Variants in RASGRF2 observed in about 807,000 individuals in gnomAD.
RASGRF2 encodes the protein ras-specific guanine nucleotide-releasing factor 2.
RASGRF2 carries 76 observed loss-of-function variants against 151.0 expected under a neutral mutation model. The ratio of observed to expected loss-of-function variants is 0.50; its 90% CI spans 0.42 to 0.61. The LOEUF (loss-of-function observed/expected upper bound fraction) is 0.61, where lower values mean the gene tolerates loss of function less well. Among genes scored for constraint, RASGRF2 ranks in the 20% least tolerant of loss-of-function variants. The pLI is 0.00. For missense variants in RASGRF2, 1,148 were observed against 1,564.6 expected (o/e 0.73, Z 4.49); for synonymous variants, 504 against 566.5 (o/e 0.89, Z 1.57).
At chr5:81,195,811 T>G (rs2112703331) in intron 18 of RASGRF2, among the ~76,000 whole-genome samples, 1 of 152,270 alleles carries the variant, frequency 6.6e-6, no homozygotes, top group South Asian at 2.1e-4. Context: ...TCAGAAGGAC[T>G]GGTGTTCTTG....
At chr5:81,136,136 C>G (rs1309176794) in intron 17 of RASGRF2, among the ~76,000 whole-genome samples, 1 of 152,190 alleles carries the variant, frequency 6.6e-6, no homozygotes, top group Non-Finnish European at 1.5e-5. Flanking sequence ...GCCTCAGCCT[C>G]CCGACTATTA....
intron 17 of RASGRF2, among the ~76,000 whole-genome samples, chr5:81,130,348 A>G (rs6896459): frequency 6.6e-6 from 1 of 152,220 alleles, no homozygotes; most frequent in Non-Finnish European, 1.5e-5. Context: ...ATTTGATTCA[A>G]CAGTGCCCAT....
intron 1 of RASGRF2, among the ~76,000 whole-genome samples, chr5:81,012,141 C>A (rs756528874): frequency 6.6e-6 from 1 of 152,164 alleles, no homozygotes; most frequent in Non-Finnish European, 1.5e-5. Flanking sequence ...GAACTTGTTA[C>A]GTCCTTAATC....
chr5:81,181,005 C>T (rs1754904582), intron 18 of RASGRF2, among the ~76,000 whole-genome samples: 1 of 152,198 alleles, frequency 6.6e-6, no homozygotes, highest in African/African-American at 2.4e-5. Context: ...TGGACACCCA[C>T]CTGCCTGGCA....
At chr5:81,087,029 C>T in intron 9 of RASGRF2, 76 bp downstream of exon 9, 1 of 1,358,244 alleles carries the variant, frequency 7.4e-7, no homozygotes, top group Non-Finnish European at 1.0e-6. Flanking sequence ...CCCCGGAAGG[C>T]GTTCTGAACA....
At chr5:81,143,716 C>G (rs1305825744) in intron 17 of RASGRF2, among the ~76,000 whole-genome samples, 3 of 151,682 alleles carry the variant, frequency 2.0e-5, no homozygotes, top group African/African-American at 7.3e-5. Flanking sequence ...ATGGTGAAAT[C>G]CCATCTCTAC....
chr5:81,046,974 G>A (rs925480521), intron 2 of RASGRF2, among the ~76,000 whole-genome samples: 8 of 152,134 alleles, frequency 5.3e-5, no homozygotes, highest in African/African-American at 1.7e-4. Flanking sequence ...GGGAAGAAAC[G>A]AGGAAGGTTC....
chr5:81,063,792 C>CT (rs537422826), intron 2 of RASGRF2, among the ~76,000 whole-genome samples: 3 of 151,986 alleles, frequency 2.0e-5, no homozygotes, highest in East Asian at 1.9e-4. Context: ...TAGTAATTAT[C>CT]TTTTTTTTCC....
chr5:81,114,138 A>G (rs1753085460), intron 15 of RASGRF2, among the ~76,000 whole-genome samples: 1 of 152,196 alleles, frequency 6.6e-6, no homozygotes, highest in African/African-American at 2.4e-5. Flanking sequence ...ATGCCCCTGT[A>G]GTAAAAGGCT....
At chr5:81,146,686 A>T (rs953998843) in intron 17 of RASGRF2, among the ~76,000 whole-genome samples, 8 of 152,118 alleles carry the variant, frequency 5.3e-5, no homozygotes, top group Non-Finnish European at 4.4e-5. Flanking sequence ...AGAGGGTGGG[A>T]TGTCTAGCCA....
chr5:81,069,136 AC>A (rs1031152370), intron 3 of RASGRF2, among the ~76,000 whole-genome samples: 39 of 152,244 alleles, frequency 2.6e-4, no homozygotes, highest in African/African-American at 8.4e-4. Flanking sequence ...TGTGTCTTGC[AC>A]CTTCCTCTGA....
chr5:80,998,654 A>AT (rs1312524626), intron 1 of RASGRF2, among the ~76,000 whole-genome samples: 1 of 151,734 alleles, frequency 6.6e-6, no homozygotes, highest in Non-Finnish European at 1.5e-5. Context: ...ACTGACTTTC[A>AT]TTTTTCTCAT....
intron 18 of RASGRF2, among the ~76,000 whole-genome samples, chr5:81,197,990 G>T (rs1157395978): frequency 6.6e-6 from 1 of 151,796 alleles, no homozygotes; most frequent in Admixed American, 6.6e-5. Flanking sequence ...AAAATTTTTT[G>T]AGAGAAAAAT....
At chr5:81,156,840 T>C (rs1754270913) in intron 17 of RASGRF2, among the ~76,000 whole-genome samples, 1 of 152,114 alleles carries the variant, frequency 6.6e-6, no homozygotes, top group African/African-American at 2.4e-5. Context: ...AAGAAAAAGA[T>C]AATTTAAGGT....
chr5:81,030,514 G>T (rs564678006), intron 1 of RASGRF2, among the ~76,000 whole-genome samples: 9 of 152,280 alleles, frequency 5.9e-5, no homozygotes, highest in South Asian at 2.1e-4. Context: ...TTAAAGAAAA[G>T]AATTTTCAAC....
At chr5:81,087,596 A>G in intron 9 of RASGRF2, 1 of 561,066 alleles carries the variant, frequency 1.8e-6, no homozygotes, top group South Asian at 2.5e-5. Context: ...ACTGTGGAGA[A>G]GCAACAGCCT....
chr5:80,979,511 T>TC (rs1286560032), intron 1 of RASGRF2, among the ~76,000 whole-genome samples: 5 of 152,232 alleles, frequency 3.3e-5, no homozygotes, highest in Admixed American at 2.0e-4. Context: ...TTGCATTTTC[T>TC]GAAATTAAGT....
intron 15 of RASGRF2, among the ~76,000 whole-genome samples, chr5:81,116,313 C>T (rs1753155778): frequency 6.6e-6 from 1 of 151,880 alleles, no homozygotes. Context: ...GAACTTCTGA[C>T]CTCAGGTGTT....
intron 26 of RASGRF2, among the ~76,000 whole-genome samples, chr5:81,220,097 A>G (rs1481623742): frequency 1.3e-5 from 2 of 152,144 alleles, no homozygotes; most frequent in African/African-American, 2.4e-5. Context: ...AATTCATTCT[A>G]CAAATTACAG....
Sources: gnomAD v4.1 joint callset for allele counts (sites outside exome capture counted in the v4.1 genomes callset) on GRCh38, gnomAD v4.1.1 for gene constraint, MANE v1.5 for transcripts, NCBI Gene and HGNC (gene_info 2026-07-23, HGNC 2026-07-21) for gene names.